PDZD7: variants seen among roughly 807,000 people sequenced by gnomAD.
The protein encoded by PDZD7 is PDZ domain containing 7.
PDZD7 carries 72 observed loss-of-function variants against 84.7 expected under a neutral mutation model. The ratio of observed to expected loss-of-function variants is 0.85; its 90% CI spans 0.70 to 1.03. The LOEUF (loss-of-function observed/expected upper bound fraction) is 1.03, where lower values mean the gene tolerates loss of function less well. PDZD7 is among the 50% of genes least tolerant of loss of function. PDZD7 has a pLI of 0.00. For synonymous variants in PDZD7, 594 were observed against 580.7 expected, an observed-to-expected ratio of 1.02 and a Z score of -0.33; for missense variants, 1,490 against 1,412.9, an observed-to-expected ratio of 1.05 and a Z score of -0.87.
chr10:101,015,897 T>C, intron 10 of PDZD7, 86 bp from the exon 11 acceptor site: 1 of 1,403,006 alleles, frequency 7.1e-7, no homozygotes, highest in Non-Finnish European at 9.5e-7. Flanking sequence ...AGAGCCCAGG[T>C]ACCTGGGGCA....
chr10:101,019,417 T>TCCAGACCC (rs773565204), intron 7 of PDZD7, among the ~76,000 whole-genome samples, 200 bp from the exon 8 acceptor site: 44 of 152,250 alleles, frequency 2.9e-4, no homozygotes, highest in Non-Finnish European at 5.4e-4. Context: ...CCACTGGGAC[T>TCCAGACCC]CCAGACCCTA....
At chr10:101,028,992 G>C (rs906747240) in intron 2 of PDZD7, among the ~76,000 whole-genome samples, 13 of 152,228 alleles carry the variant, frequency 8.5e-5, no homozygotes, top group South Asian at 6.2e-4. Context: ...TGGGTCAGAG[G>C]GGGAGGAGCA....
Position 101,008,445 on chromosome 10 carries a change from G to A in PDZD7, c.*22C>T. 3 of 1,483,180 alleles carry A rather than the reference G, an allele frequency of 2.0e-6. No homozygotes were observed. The highest frequency in any genetic ancestry group is 2.7e-6 in the Non-Finnish European group (3 of 1,118,408). The allele number at this position is 1,483,180 out of a possible 1,614,324, so 91.9% of individuals were successfully genotyped here. A position where few individuals can be genotyped will look rare whatever the true frequency, so the allele number is the denominator to read the frequency against. ...TAACGGGATGCTGGAGTCAGTGGGT[G>A]AATCTGAGGTTAGGGGGAGGGTCAT... On this transcript the variant is annotated 3_prime_UTR_variant, in exon 17 of 17. Transcript: ENST00000619208.
chr10:101,027,378 C>A (rs1937782563), intron 2 of PDZD7, among the ~76,000 whole-genome samples: 1 of 152,112 alleles, frequency 6.6e-6, no homozygotes, highest in South Asian at 2.1e-4. Flanking sequence ...TTTAGAAGGT[C>A]AGCTCCTCTT....
rs1852887093 is a variant in PDZD7, at chr10:101,019,059, A to G, written c.1087T>C (p.Trp363Arg). 6.3e-7 allele frequency: 1 copy of G among 1,577,886 alleles called. No individual in the cohort carries two copies. The highest frequency in any genetic ancestry group is 8.6e-7 in the Non-Finnish European group (1 of 1,167,490). ...TGCATGGCTGTGTCCGCCCGCCCCC[A>G]GCCTGGGCCGCGGCTGCCGGGCTCC... The part of the protein sequence containing the change: ...QEEPGSRGPG[W>R]GRADTAMQTE... Residue 363 changes from tryptophan to arginine, a missense_variant, in exon 8 of 17, where the codon TGG becomes CGG. Coordinates refer to ENST00000619208, the MANE Select transcript of PDZD7 (RefSeq NM_001195263.2).
intron 9 of PDZD7, chr10:101,017,883 GAAAGAAAGAAAA>G (rs1564632552): frequency 1.1e-4 from 26 of 236,270 alleles, no homozygotes; most frequent in South Asian, 3.6e-4. Context: ...AAGAAAGAAA[GAAAGAAAGAAAA>G]GAAAGAAAGA....
intron 4 of PDZD7, among the ~76,000 whole-genome samples, chr10:101,022,868 G>A (rs1853198461): frequency 6.6e-6 from 1 of 151,990 alleles, no homozygotes; most frequent in African/African-American, 2.4e-5. Context: ...CGCCTCCCAG[G>A]TTCAAGTGAT....
At chr10:101,011,046 A>G in intron 14 of PDZD7, 163 bp from the exon 15 acceptor site, 3 of 1,146,050 alleles carry the variant, frequency 2.6e-6, no homozygotes, top group Non-Finnish European at 3.3e-6. Context: ...TTCTATTAGA[A>G]TCGCTTATTT....
At chr10:101,014,449 A>G (rs1416042280) in intron 11 of PDZD7, among the ~76,000 whole-genome samples, 1 of 152,140 alleles carries the variant, frequency 6.6e-6, no homozygotes, top group Non-Finnish European at 1.5e-5. Flanking sequence ...AGACAGACCC[A>G]GAGCCCCACC....
intron 8 of PDZD7, 25 bp from the exon 9 acceptor site, chr10:101,018,321 G>A (rs770697207): frequency 1.9e-6 from 3 of 1,612,642 alleles, no homozygotes; most frequent in Admixed American, 3.3e-5. Flanking sequence ...GAGCAACGGG[G>A]GAGCTGGAGG....
intron 16 of PDZD7, among the ~76,000 whole-genome samples, 156 bp downstream of exon 16, chr10:101,009,094 G>A (rs1482490303): frequency 6.6e-6 from 1 of 152,040 alleles, no homozygotes; most frequent in Non-Finnish European, 1.5e-5. Flanking sequence ...TTTTCCCTGG[G>A]CCTGCTCATC....
At chr10:101,014,452 G>A (rs1002035406) in intron 11 of PDZD7, among the ~76,000 whole-genome samples, 6 of 152,114 alleles carry the variant, frequency 3.9e-5, no homozygotes, top group African/African-American at 1.4e-4. Flanking sequence ...CAGACCCAGA[G>A]CCCCACCTCG....
At chr10:101,029,956 CT>C in intron 2 of PDZD7, 37 bp downstream of exon 2, 143 of 1,318,104 alleles carry the variant, frequency 1.1e-4, no homozygotes, top group Non-Finnish European at 1.5e-4. Context: ...TACCCCCACC[CT>C]CCCCAACCCA....
chr10:101,030,016 G>A lies in PDZD7; in HGVS notation c.204C>T (p.Ile68=), dbSNP rs1460959639. ...TACCTTCGATGGGGGAGTTGATGAG[G>A]ATGACGCGTCCCATGGGCGATGAGG... ...IRASSPMGRV[I]LINSPIEANS... Residue 68 remains isoleucine (I), a synonymous_variant, in exon 2 of 17, where the codon ATC becomes ATT. Transcript: ENST00000619208. 3.1e-6 allele frequency: 5 copies of A among 1,613,292 alleles called. No individual in the cohort carries two copies. The highest frequency in any genetic ancestry group is 3.7e-4 in the Middle Eastern group (2 of 5,402).
intron 2 of PDZD7, among the ~76,000 whole-genome samples, chr10:101,028,367 C>G (rs1564643758): frequency 6.6e-6 from 1 of 152,130 alleles, no homozygotes; most frequent in Non-Finnish European, 1.5e-5. Context: ...GCCGGAAGAT[C>G]ACTTGAGCCT....
intron 2 of PDZD7, among the ~76,000 whole-genome samples, chr10:101,028,747 C>T (rs559309366): frequency 1.3e-5 from 2 of 152,240 alleles, no homozygotes; most frequent in African/African-American, 2.4e-5. Flanking sequence ...GACAGTTATG[C>T]GGTGCCTGCT....
intron 4 of PDZD7, 56 bp from the exon 5 acceptor site, chr10:101,022,441 C>T (rs2134091150): frequency 6.2e-7 from 1 of 1,604,350 alleles, no homozygotes; most frequent in Middle Eastern, 2.1e-4. Flanking sequence ...CCACCCACCA[C>T]CCTCCCAGCA....
intron 7 of PDZD7, among the ~76,000 whole-genome samples, chr10:101,019,572 TC>T (rs1564635217): frequency 8.3e-4 from 110 of 132,690 alleles, no homozygotes; most frequent in Non-Finnish European, 1.4e-3. Flanking sequence ...CTCCTCCTCC[TC>T]CTCCTCCTCC....
rs970723643 is a variant in PDZD7, at chr10:101,015,822, G to A, written c.1574-11C>T. ...GGCCCCTCTCCTGGTCTGCAGGGCA[G>A]GAACCATCAGGGGAGGGGAGAGGGG... is the stretch of plus-strand genomic sequence containing the variant. On this transcript the variant is annotated splice_polypyrimidine_tract_variant and intron_variant, in intron 10 of 16. Coordinates refer to ENST00000619208, the MANE Select transcript of PDZD7 (RefSeq NM_001195263.2). 1.3e-6 allele frequency: 2 copies of A among 1,543,900 alleles called. No homozygotes were observed. The highest frequency in any genetic ancestry group is 1.7e-6 in the Non-Finnish European group (2 of 1,143,100).
Sources: allele counts gnomAD v4.1 joint callset (sites outside exome capture counted in the v4.1 genomes callset), GRCh38; gene constraint gnomAD v4.1.1; transcripts MANE v1.5; gene names NCBI Gene and HGNC (gene_info 2026-07-23, HGNC 2026-07-21).